Variants in PDE10A observed in about 807,000 individuals in gnomAD.
PDE10A encodes the protein phosphodiesterase 10A, also known as cAMP and cAMP-inhibited cGMP 3',5'-cyclic phosphodiesterase 10A.
In PDE10A, 39 loss-of-function variants were observed where a neutral mutation model predicts 97.7. The observed-to-expected ratio is 0.40, with a 90% CI of 0.31 to 0.52. The LOEUF is 0.52. Ranked by LOEUF, PDE10A falls within the 20% of genes least tolerant of loss-of-function variation. The pLI is 0.56. For missense variants in PDE10A, 731 were observed against 1,047.8 expected (o/e 0.70, Z 4.17); for synonymous variants, 371 against 376.8 (o/e 0.98, Z 0.18).
intron 17 of PDE10A, among the ~76,000 whole-genome samples, chr6:165,384,619 T>C (rs1440104177): frequency 2.1e-5 from 3 of 140,536 alleles, no homozygotes; most frequent in Non-Finnish European, 4.6e-5. Context: ...CGTGTGTGTG[T>C]ATGTGTGAGT....
At chr6:165,417,715 A>G (rs1788418917) in intron 11 of PDE10A, among the ~76,000 whole-genome samples, 1 of 152,202 alleles carries the variant, frequency 6.6e-6, no homozygotes, top group African/African-American at 2.4e-5. Flanking sequence ...GAGTTAATGG[A>G]CATGGAATAC....
intron 1 of PDE10A, among the ~76,000 whole-genome samples, chr6:165,847,485 G>A (rs190240942): frequency 5.4e-4 from 82 of 152,378 alleles, no homozygotes; most frequent in African/African-American, 1.9e-3. Flanking sequence ...GCGTGACAGC[G>A]ATCTACAAGA....
At chr6:165,380,257 G>A (rs1784851501) in intron 17 of PDE10A, among the ~76,000 whole-genome samples, 1 of 152,094 alleles carries the variant, frequency 6.6e-6, no homozygotes, top group African/African-American at 2.4e-5. Context: ...GGTCAATATA[G>A]TACTACTCTA....
chr6:165,335,897 C>T lies in PDE10A; in HGVS notation c.3065+226G>A, dbSNP rs562622843. Among the ~76,000 whole-genome samples the T allele has an allele frequency of 4.6e-5, 7 of 152,172 alleles. No homozygotes were observed. In the South Asian group the frequency reaches 1.2e-3, roughly 27 times the overall value. The stretch of plus-strand genomic sequence containing the variant: ...TCAGAGTGTGGCCAGAAGAAGCTAC[C>T]CAAGCACCCAAGGTGCCTGAGGCTC... On this transcript the variant is annotated intron_variant, in intron 21 of 21. Transcript: ENST00000539869.
In PDE10A at chr6:165,738,120, T is replaced by A. The variant is rs557758489; in HGVS notation, c.-614-194552A>T. On this transcript the variant is annotated intron_variant, in intron 1 of 19. Coordinates refer to the PDE10A transcript ENST00000366882. The stretch of plus-strand genomic sequence containing the variant: ...CTGGTGTGCTGCACCCACTAACTCG[T>A]CATCTAGCAATAGGTATATCTCCCA... Among the ~76,000 whole-genome samples, 318 of 151,174 alleles carry A rather than the reference T, an allele frequency of 2.1e-3. 4 individuals are homozygous for A. Among genetic ancestry groups the A allele is most frequent in the African/African-American group, 7.2e-3 (298 of 41,190 alleles).
chr6:165,464,257 T>G (rs1301424558), intron 3 of PDE10A, among the ~76,000 whole-genome samples: 1 of 152,200 alleles, frequency 6.6e-6, no homozygotes, highest in East Asian at 1.9e-4. Context: ...CATGTATTTG[T>G]CTACTTACAT....
chr6:165,599,687 C>T (rs1006792708), intron 1 of PDE10A, among the ~76,000 whole-genome samples: 7 of 152,130 alleles, frequency 4.6e-5, no homozygotes, highest in Non-Finnish European at 1.0e-4. Flanking sequence ...ATCATGTGAG[C>T]AAGCAAGCAC....
At chr6:165,593,539 C>T (rs1433488647) in intron 1 of PDE10A, among the ~76,000 whole-genome samples, 1 of 152,076 alleles carries the variant, frequency 6.6e-6, no homozygotes, top group Non-Finnish European at 1.5e-5. Context: ...ATACGGGGTA[C>T]TACAATAAAC....
At position 165,627,063 on chromosome 6, in the gene PDE10A, T is replaced by C. The variant is rs556119868; in HGVS notation, c.865+34884A>G. 1.4e-3 allele frequency among the ~76,000 whole-genome samples: 219 copies of C among 152,360 alleles called. 1 individual carries two copies. Among genetic ancestry groups the C allele is most frequent in the African/African-American group, 4.8e-3 (198 of 41,590 alleles). On this transcript the variant is annotated intron_variant, in intron 1 of 21. Transcript: ENST00000539869. Reference sequence around the variant, plus strand: ...AATCTGTCCTTTCTGACAGGCAGGATTGCAAGTCCAGGTCACTTCCCATTG... The same window carrying C: ...AATCTGTCCTTTCTGACAGGCAGGACTGCAAGTCCAGGTCACTTCCCATTG...
intron 18 of PDE10A, among the ~76,000 whole-genome samples, chr6:165,373,974 G>A (rs894831499): frequency 1.3e-5 from 2 of 149,624 alleles, no homozygotes; most frequent in Admixed American, 6.7e-5. Context: ...GTAAACTATC[G>A]CAAGGACAAA....
At chr6:165,608,357 G>A (rs1439900472) in intron 1 of PDE10A, among the ~76,000 whole-genome samples, 8 of 149,300 alleles carry the variant, frequency 5.4e-5, no homozygotes, top group East Asian at 4.0e-4. Flanking sequence ...GAGAACATGC[G>A]GTGTTTGGAT....
intron 1 of PDE10A, among the ~76,000 whole-genome samples, chr6:165,575,675 T>C (rs913377178): frequency 6.6e-6 from 1 of 152,230 alleles, no homozygotes; most frequent in African/African-American, 2.4e-5. Flanking sequence ...CTTCTATTTT[T>C]CTTTCACCAT....
At chr6:165,536,025 AG>A (rs1463267480) in intron 2 of PDE10A, among the ~76,000 whole-genome samples, 2 of 152,100 alleles carry the variant, frequency 1.3e-5, no homozygotes, top group Non-Finnish European at 2.9e-5. Flanking sequence ...TCTGAGCAAA[AG>A]GAACAAAGCT....
At chr6:165,622,140 T>C (rs1788168778) in intron 1 of PDE10A, among the ~76,000 whole-genome samples, 1 of 152,078 alleles carries the variant, frequency 6.6e-6, no homozygotes, top group Non-Finnish European at 1.5e-5. Flanking sequence ...TGCTGCTCTG[T>C]AGAAATTCAC....
intron 1 of PDE10A, among the ~76,000 whole-genome samples, chr6:165,912,808 G>A (rs377085847): frequency 5.3e-5 from 8 of 152,278 alleles, no homozygotes; most frequent in East Asian, 1.9e-4. Context: ...CACAGGAAGC[G>A]AACCCTCTAT....
At chr6:165,826,059 G>A (rs544174674) in intron 1 of PDE10A, among the ~76,000 whole-genome samples, 15 of 152,258 alleles carry the variant, frequency 9.9e-5, no homozygotes, top group South Asian at 6.2e-4. Flanking sequence ...TCTTTATCAC[G>A]CCAGGATGGC....
chr6:165,685,830 G>GT (rs1791099293), intron 1 of PDE10A, among the ~76,000 whole-genome samples: 1 of 152,174 alleles, frequency 6.6e-6, no homozygotes, highest in African/African-American at 2.4e-5. Flanking sequence ...AGGTCACAAT[G>GT]TTCTCTGTGA....
At chr6:165,889,544 G>T (rs750779417) in intron 1 of PDE10A, among the ~76,000 whole-genome samples, 8 of 152,126 alleles carry the variant, frequency 5.3e-5, no homozygotes, top group African/African-American at 1.7e-4. Flanking sequence ...TGGAGTTGCC[G>T]TCATTGAGGG....
chr6:165,392,578 G>GTGC (rs1785805073), intron 16 of PDE10A, 68 bp downstream of exon 16: 1 of 1,428,550 alleles, frequency 7.0e-7, no homozygotes. Flanking sequence ...TGTCATCAAT[G>GTGC]TGCTCCTGAC....
Sources: gnomAD v4.1 joint callset for allele counts (sites outside exome capture counted in the v4.1 genomes callset) on GRCh38, gnomAD v4.1.1 for gene constraint, MANE v1.5 for transcripts, NCBI Gene and HGNC (gene_info 2026-07-23, HGNC 2026-07-21) for gene names.